Variants in GRIA1 observed in about 807,000 individuals in gnomAD.
The protein encoded by GRIA1 is glutamate receptor 1.
In GRIA1, 31 loss-of-function variants were observed where a neutral mutation model predicts 99.2. The observed-to-expected ratio is 0.31, with a 90% CI of 0.23 to 0.42. GRIA1 has a LOEUF of 0.42. GRIA1 is among the 10% of genes least tolerant of loss of function. The pLI is 1.00. For missense variants in GRIA1, 782 were observed against 1,157.5 expected, an observed-to-expected ratio of 0.68 and a Z score of 4.71; for synonymous variants, 438 against 432.4, an observed-to-expected ratio of 1.01 and a Z score of -0.16.
At chr5:153,555,211 A>G (rs1483824342) in intron 2 of GRIA1, among the ~76,000 whole-genome samples, 1 of 151,838 alleles carries the variant, frequency 6.6e-6, no homozygotes, top group Non-Finnish European at 1.5e-5. Context: ...AACTTTTTAA[A>G]AAAGAACCAA....
At chr5:153,787,055 C>T (rs573537771) in intron 13 of GRIA1, among the ~76,000 whole-genome samples, 1 of 152,298 alleles carries the variant, frequency 6.6e-6, no homozygotes, top group East Asian at 1.9e-4. Flanking sequence ...TGAAGCCCAA[C>T]ATTCTGTCCT....
At chr5:153,534,606 T>C (rs1758393328) in intron 2 of GRIA1, among the ~76,000 whole-genome samples, 1 of 152,230 alleles carries the variant, frequency 6.6e-6, no homozygotes, top group African/African-American at 2.4e-5. Flanking sequence ...TATTGGTAGT[T>C]GCTCACAGAA....
At chr5:153,798,853 G>T (rs1216421825) in intron 14 of GRIA1, among the ~76,000 whole-genome samples, 1 of 152,162 alleles carries the variant, frequency 6.6e-6, no homozygotes, top group East Asian at 1.9e-4. Flanking sequence ...AGAAATATAG[G>T]GGGGGAAATC....
intron 2 of GRIA1, among the ~76,000 whole-genome samples, chr5:153,603,532 A>AT (rs1765184639): frequency 1.1e-5 from 1 of 90,910 alleles, no homozygotes; most frequent in African/African-American, 3.6e-5. Flanking sequence ...AATAATAATT[A>AT]AAAAAAAACA....
At chr5:153,541,946 A>T (rs1232107315) in intron 2 of GRIA1, among the ~76,000 whole-genome samples, 2 of 150,956 alleles carry the variant, frequency 1.3e-5, no homozygotes, top group East Asian at 3.9e-4. Flanking sequence ...AAAAAAAAAA[A>T]AAAAAACAAG....
chr5:153,600,341 G>A (rs1348038179), intron 2 of GRIA1, among the ~76,000 whole-genome samples: 2 of 137,304 alleles, frequency 1.5e-5, no homozygotes, highest in Non-Finnish European at 1.5e-5. Flanking sequence ...GCAGTGAGCC[G>A]AGATCGCGCC....
chr5:153,743,309 A>G (rs529618484), intron 11 of GRIA1, among the ~76,000 whole-genome samples: 23 of 152,256 alleles, frequency 1.5e-4, no homozygotes, highest in South Asian at 2.1e-4. Flanking sequence ...CTTCGACAAC[A>G]CCCATATATT....
At chr5:153,542,839 CATTAT>C (rs1759252025) in intron 2 of GRIA1, among the ~76,000 whole-genome samples, 1 of 152,064 alleles carries the variant, frequency 6.6e-6, no homozygotes, top group Non-Finnish European at 1.5e-5. Flanking sequence ...TCATTTATCA[CATTAT>C]ATTATAATAG....
intron 2 of GRIA1, among the ~76,000 whole-genome samples, chr5:153,602,728 C>T (rs1350035127): frequency 6.6e-6 from 1 of 152,140 alleles, no homozygotes; most frequent in Non-Finnish European, 1.5e-5. Context: ...CCCTGGGCTA[C>T]AGTTCCCACA....
At chr5:153,504,807 G>A (rs1040388939) in intron 2 of GRIA1, among the ~76,000 whole-genome samples, 9 of 152,100 alleles carry the variant, frequency 5.9e-5, no homozygotes, top group South Asian at 2.1e-4. Context: ...TGAGGTTGTC[G>A]GCTGTAAAAT....
At chr5:153,599,322 A>G (rs1764691556) in intron 2 of GRIA1, among the ~76,000 whole-genome samples, 1 of 152,248 alleles carries the variant, frequency 6.6e-6, no homozygotes, top group South Asian at 2.1e-4. Flanking sequence ...TAAGCACTTT[A>G]GAAAGTATGA....
intron 11 of GRIA1, among the ~76,000 whole-genome samples, chr5:153,763,931 C>T (rs1763350522): frequency 6.6e-6 from 1 of 152,228 alleles, no homozygotes; most frequent in African/African-American, 2.4e-5. Context: ...TTCTTCCTTC[C>T]TTTCCTTCTA....
At chr5:153,675,229 AG>A (rs1286451906) in intron 6 of GRIA1, among the ~76,000 whole-genome samples, 2 of 152,208 alleles carry the variant, frequency 1.3e-5, no homozygotes, top group Non-Finnish European at 2.9e-5. Context: ...TGCCCAGCTC[AG>A]GAGGATGCTC....
intron 2 of GRIA1, among the ~76,000 whole-genome samples, chr5:153,630,329 C>T (rs1274299155): frequency 6.6e-6 from 1 of 151,886 alleles, no homozygotes; most frequent in South Asian, 2.1e-4. Flanking sequence ...CTCAATGATC[C>T]CCTTTCTTTT....
chr5:153,675,764 G>T (rs942687858), intron 6 of GRIA1, among the ~76,000 whole-genome samples: 2 of 151,968 alleles, frequency 1.3e-5, no homozygotes, highest in African/African-American at 4.8e-5. Flanking sequence ...CAAGCAATGA[G>T]AAAACTACAT....
At chr5:153,592,096 G>A (rs1314460507) in intron 2 of GRIA1, among the ~76,000 whole-genome samples, 1 of 152,232 alleles carries the variant, frequency 6.6e-6, no homozygotes, top group East Asian at 1.9e-4. Context: ...ACAGCATCCA[G>A]AGGGGTTGGG....
chr5:153,702,384 G>C (rs534591432), intron 10 of GRIA1, among the ~76,000 whole-genome samples: 2 of 152,332 alleles, frequency 1.3e-5, no homozygotes, highest in South Asian at 4.1e-4. Flanking sequence ...TGCTGGCCCC[G>C]ACTTTTCCGG....
chr5:153,686,252 G>T lies in GRIA1; in HGVS notation c.1057G>T (p.Val353Leu), dbSNP rs763067443. 1.2e-6 allele frequency: 2 copies of T among 1,613,754 alleles called. No homozygotes were observed. The highest frequency in any genetic ancestry group is 1.3e-5 in the African/African-American group (1 of 74,912). ...QVRFEGLTGN[V>L]QFNEKGRRTN... is the part of the protein sequence containing the mutation. ...GCGATTTGAAGGTTTAACAGGAAACGTGCAGTTTAATGAGAAAGGACGCCG... is the reference window on the plus strand; with the variant it reads ...GCGATTTGAAGGTTTAACAGGAAACTTGCAGTTTAATGAGAAAGGACGCCG... The change falls in exon 8 of 16, where the codon GTG becomes TTG. Residue 353 changes from valine (V) to leucine (L), a missense_variant. Transcript: ENST00000285900.
Position 153,674,535 on chromosome 5 carries a change from G to C in GRIA1, c.735G>C (p.Glu245Asp). Residue 245 changes from glutamate (E) to aspartate (D), a missense_variant, in exon 6 of 16, where the codon GAG (glutamate) becomes GAC (aspartate). Transcript: ENST00000285900. ...FMDIDLNKFKESGANVTGFQL... is the reference protein window; with the variant it reads ...FMDIDLNKFKDSGANVTGFQL... ...ACATTGACTTAAACAAATTCAAGGA[G>C]AGTGGCGCCAATGTGACAGGTTTCC... 1.9e-6 allele frequency: 3 copies of C among 1,614,108 alleles called. No individual in the cohort carries two copies. The highest frequency in any genetic ancestry group is 2.5e-6 in the Non-Finnish European group (3 of 1,179,990).
Sources: gnomAD v4.1 joint callset for allele counts (sites outside exome capture counted in the v4.1 genomes callset) on GRCh38, gnomAD v4.1.1 for gene constraint, MANE v1.5 for transcripts, NCBI Gene and HGNC (gene_info 2026-07-23, HGNC 2026-07-21) for gene names.